RNF180: variants seen among roughly 807,000 people sequenced by gnomAD.
RNF180 encodes E3 ubiquitin-protein ligase RNF180.
RNF180 carries 38 observed loss-of-function variants against 59.2 expected under a neutral mutation model. That is an observed-to-expected ratio of 0.64 (90% CI 0.50 to 0.84). The LOEUF (loss-of-function observed/expected upper bound fraction) is 0.84, where lower values mean the gene tolerates loss of function less well. RNF180 is among the 40% of genes least tolerant of loss of function. The pLI is 0.00. For missense variants in RNF180, 705 were observed against 700.9 expected (o/e 1.01, Z -0.07); for synonymous variants, 262 against 240.3 (o/e 1.09, Z -0.84).
At chr5:64,190,065 C>T (rs895710200) in intron 1 of RNF180, among the ~76,000 whole-genome samples, 2 of 152,108 alleles carry the variant, frequency 1.3e-5, no homozygotes, top group African/African-American at 4.8e-5. Flanking sequence ...TCAGTTTTAG[C>T]AGTTGAATAT....
chr5:64,237,883 A>G (rs1454114155), intron 5 of RNF180, among the ~76,000 whole-genome samples: 1 of 151,978 alleles, frequency 6.6e-6, no homozygotes, highest in Non-Finnish European at 1.5e-5. Flanking sequence ...GCTGCCATGT[A>G]CAATGTACCT....
intron 1 of RNF180, among the ~76,000 whole-genome samples, chr5:64,184,133 T>C (rs957533584): frequency 5.9e-4 from 90 of 152,296 alleles, no homozygotes; most frequent in African/African-American, 2.1e-3. Flanking sequence ...AAGACAGCCA[T>C]CTGCAGCCCA....
rs185302138 is a variant in RNF180, at chr5:64,227,218, C to T, written c.1227+9822C>T. 8.5e-4 allele frequency among the ~76,000 whole-genome samples: 129 copies of T among 152,162 alleles called. 1 individual carries two copies. Among genetic ancestry groups the T allele is most frequent in the African/African-American group, 3.0e-3 (124 of 41,522 alleles). On this transcript the variant is annotated intron_variant, in intron 5 of 7. Transcript: ENST00000389100. ...ACAGGCAGCGGTGGGGCCTGGACAGCCTTGGGGAAAGGAAGTTACTTGGAG... is the reference window on the plus strand; with the variant it reads ...ACAGGCAGCGGTGGGGCCTGGACAGTCTTGGGGAAAGGAAGTTACTTGGAG...
In RNF180 at chr5:64,370,161, AAG is replaced by A. The variant is rs770027283; in HGVS notation, c.*349_*350del. 1.4e-4 allele frequency: 22 copies of A among 157,648 alleles called. No homozygotes were observed. Among genetic ancestry groups the A allele is most frequent in the Non-Finnish European group, 2.5e-4 (18 of 71,904 alleles). 9.8% of individuals were successfully genotyped at this position (157,648 alleles called of 1,614,324 possible). A position where few individuals can be genotyped will look rare whatever the true frequency, so the allele number is the denominator to read the frequency against. ...CACTTAAAAATAGTAAAAATACAAA[AAG>A]AAATGATAATCTAGGTAGATATTAT... On this transcript the variant is annotated 3_prime_UTR_variant, in exon 8 of 8. Transcript: ENST00000389100.
intron 7 of RNF180, among the ~76,000 whole-genome samples, chr5:64,364,855 T>C (rs929112760): frequency 6.6e-5 from 10 of 151,762 alleles, no homozygotes; most frequent in Non-Finnish European, 1.3e-4. Context: ...TTTGTATGCA[T>C]ACAAGTGTCC....
chr5:64,323,185 G>A (rs941401502), intron 5 of RNF180, among the ~76,000 whole-genome samples: 7 of 152,084 alleles, frequency 4.6e-5, no homozygotes, highest in Non-Finnish European at 1.0e-4. Flanking sequence ...TCAGAAGGGG[G>A]AGATTACAGA....
At chr5:64,194,607 T>A (rs1377562594) in intron 1 of RNF180, among the ~76,000 whole-genome samples, 4 of 152,214 alleles carry the variant, frequency 2.6e-5, no homozygotes, top group African/African-American at 9.6e-5. Flanking sequence ...TTGAACTAGT[T>A]TACAGTCCCA....
rs543697823 is a variant in RNF180, at chr5:64,364,359, T to A, written c.1580-5256T>A. Reference sequence around the variant, plus strand: ...TGGTTATTGTCTTTAGTTCTGTTTATGTGACAAATCACATTTATTGATCCA... The same window carrying A: ...TGGTTATTGTCTTTAGTTCTGTTTAAGTGACAAATCACATTTATTGATCCA... On this transcript the variant is annotated intron_variant, in intron 7 of 7. Transcript: ENST00000389100. Among the ~76,000 whole-genome samples, 5 of 151,972 alleles carry A rather than the reference T, an allele frequency of 3.3e-5. No individual in the cohort carries two copies. The South Asian group carries it at 1.0e-3, about 31-fold the overall frequency.
At chr5:64,327,036 G>T (rs758392673) in intron 6 of RNF180, among the ~76,000 whole-genome samples, 4 of 152,078 alleles carry the variant, frequency 2.6e-5, no homozygotes, top group Non-Finnish European at 4.4e-5. Flanking sequence ...TTGGTAGGTT[G>T]TATGTGTCTA....
At chr5:64,327,448 T>C (rs75435831) in intron 6 of RNF180, among the ~76,000 whole-genome samples, 2,548 of 152,302 alleles carry the variant, frequency 0.017, 74 homozygotes, top group African/African-American at 0.058. Flanking sequence ...AATACTGCTT[T>C]TGCTGTGTCC....
intron 5 of RNF180, among the ~76,000 whole-genome samples, chr5:64,251,276 A>G (rs1233412216): frequency 6.6e-6 from 1 of 152,190 alleles, no homozygotes; most frequent in Non-Finnish European, 1.5e-5. Flanking sequence ...TTGCTCTAAG[A>G]TTTGCAACAA....
intron 5 of RNF180, among the ~76,000 whole-genome samples, chr5:64,308,515 G>A (rs918664213): frequency 2.6e-5 from 4 of 151,736 alleles, no homozygotes; most frequent in African/African-American, 9.7e-5. Flanking sequence ...TCACAAAAGT[G>A]TAGCCAGGGG....
intron 5 of RNF180, among the ~76,000 whole-genome samples, chr5:64,276,786 C>A (rs1003779082): frequency 1.3e-5 from 2 of 151,910 alleles, no homozygotes; most frequent in Non-Finnish European, 2.9e-5. Flanking sequence ...CAGAATTATT[C>A]TTTATAAAAC....
At chr5:64,213,527 C>G (rs764999316) in intron 3 of RNF180, 31 bp from the exon 4 acceptor site, 4 of 1,551,198 alleles carry the variant, frequency 2.6e-6, no homozygotes, top group East Asian at 2.3e-5. Context: ...ATAATGAAAG[C>G]ACTGTCTTTA....
intron 5 of RNF180, among the ~76,000 whole-genome samples, chr5:64,239,852 A>T (rs1433809585): frequency 6.6e-6 from 1 of 152,178 alleles, no homozygotes. Context: ...CAAATGTCAT[A>T]AAAGTTCTAC....
At chr5:64,320,977 G>A (rs534391357) in intron 5 of RNF180, among the ~76,000 whole-genome samples, 18 of 152,252 alleles carry the variant, frequency 1.2e-4, no homozygotes, top group African/African-American at 4.3e-4. Context: ...GGCGGAGCTT[G>A]CAGTGAGCCG....
intron 1 of RNF180, among the ~76,000 whole-genome samples, chr5:64,178,817 A>G (rs984490788): frequency 6.6e-6 from 1 of 152,186 alleles, no homozygotes. Flanking sequence ...TTCTAAATCA[A>G]TCAGCGTTGC....
At chr5:64,179,552 C>G (rs1750455325) in intron 1 of RNF180, among the ~76,000 whole-genome samples, 1 of 152,078 alleles carries the variant, frequency 6.6e-6, no homozygotes, top group Non-Finnish European at 1.5e-5. Context: ...AGCCTTTTTA[C>G]TTAAAATAAC....
intron 7 of RNF180, among the ~76,000 whole-genome samples, chr5:64,345,834 A>T (rs1745532143): frequency 6.6e-6 from 1 of 152,158 alleles, no homozygotes; most frequent in East Asian, 1.9e-4. Flanking sequence ...AATCTTACAA[A>T]TTTATTTTAG....
Sources: gnomAD v4.1 joint callset for allele counts (sites outside exome capture counted in the v4.1 genomes callset) on GRCh38, gnomAD v4.1.1 for gene constraint, MANE v1.5 for transcripts, NCBI Gene and HGNC (gene_info 2026-07-23, HGNC 2026-07-21) for gene names.